The following TEKT1 variants were observed in gnomAD, a reference collection of about 807,000 sequenced individuals.
TEKT1 encodes tektin 1.
In TEKT1, 32 loss-of-function variants were observed where a neutral mutation model predicts 34.8. The ratio of observed to expected loss-of-function variants is 0.92; its 90% confidence interval spans 0.69 to 1.23. The LOEUF is 1.23. TEKT1 is among the 50% of genes most tolerant of loss of function. The pLI, the probability that TEKT1 is intolerant of heterozygous loss-of-function variation, is 0.00. For missense variants in TEKT1, 492 were observed against 518.5 expected, an observed-to-expected ratio of 0.95 and a Z score of 0.50; for synonymous variants, 207 against 199.8, an observed-to-expected ratio of 1.04 and a Z score of -0.30.
At chr17:6,801,193 G>A (rs1291026389) in intron 6 of TEKT1, among the ~76,000 whole-genome samples, 1 of 152,202 alleles carries the variant, frequency 6.6e-6, no homozygotes, top group East Asian at 1.9e-4. Context: ...CACAGGAGAT[G>A]CCCTCAGCAA....
intron 2 of TEKT1, among the ~76,000 whole-genome samples, chr17:6,822,848 C>A (rs1267661560): frequency 6.6e-6 from 1 of 152,200 alleles, no homozygotes; most frequent in Non-Finnish European, 1.5e-5. Flanking sequence ...TGCTAAAGTG[C>A]TACCTGGAAA....
chr17:6,819,347 C>G lies in TEKT1; in HGVS notation c.202G>C (p.Glu68Gln). The G allele has an allele frequency of 6.2e-7, 1 of 1,613,180 alleles. No homozygotes were observed. Among genetic ancestry groups the G allele is most frequent in the Non-Finnish European group, 8.5e-7 (1 of 1,179,570 alleles). Reference protein sequence around the residue: ...DVNKKLEQRLEEVQFWKKELD... With the variant: ...DVNKKLEQRLQEVQFWKKELD... ...TCCTTCTTCCAGAACTGGACTTCCT[C>G]GAGTCTCTGTTCTGAAGCACACGGG... is the stretch of plus-strand genomic sequence containing the variant. The change falls in exon 3 of 8, where the codon GAG (glutamate) becomes CAG (glutamine). Residue 68 changes from glutamate (E) to glutamine (Q), a missense_variant. Coordinates refer to ENST00000338694, the MANE Select transcript of TEKT1 (RefSeq NM_053285.2).
Position 6,819,318 on chromosome 17 carries a change from T to C in TEKT1, c.231A>G (p.Leu77=), listed in dbSNP as rs1977054798. ...LEEVQFWKKE[L]DDKLEQLVNV... ...TCACAAGCTGCTCAAGTTTGTCATC[T>C]AACTCCTTCTTCCAGAACTGGACTT... The change falls in exon 3 of 8, where the codon TTA becomes TTG. Residue 77 remains leucine (L), a synonymous_variant. Transcript: ENST00000338694. 1 of 1,613,970 alleles carries C rather than the reference T, an allele frequency of 6.2e-7. No individual in the cohort carries two copies. Among genetic ancestry groups the C allele is most frequent in the Admixed American group, 1.7e-5 (1 of 59,984 alleles).
chr17:6,801,871 C>T (rs1019708767), intron 6 of TEKT1, among the ~76,000 whole-genome samples: 45 of 152,202 alleles, frequency 3.0e-4, no homozygotes, highest in African/African-American at 9.1e-4. Flanking sequence ...TAAGGAACCT[C>T]GCATAGTCAT....
At position 6,830,255 on chromosome 17, in the gene TEKT1, C is replaced by T. The variant is rs1281459819; in HGVS notation, c.122G>A (p.Ser41Asn). 2 of 1,613,280 alleles carry T rather than the reference C, an allele frequency of 1.2e-6. No individual in the cohort carries two copies. Among genetic ancestry groups the T allele is most frequent in the Admixed American group, 1.7e-5 (1 of 59,694 alleles). ...RSRSERLVAE[S>N]QRLVDEIEKT... ...TTCAATTTCATCCACAAGCCTCTGG[C>T]TTTCTGCGACCAGGCGTTCTGATCG... Residue 41 changes from serine to asparagine, a missense_variant, in exon 2 of 8, where the codon AGC (serine) becomes AAC (asparagine). Transcript: ENST00000338694.
At chr17:6,827,110 T>G (rs1248064127) in intron 2 of TEKT1, among the ~76,000 whole-genome samples, 2 of 152,170 alleles carry the variant, frequency 1.3e-5, no homozygotes, top group Non-Finnish European at 2.9e-5. Flanking sequence ...GTATGTGGGT[T>G]TGTTTCTGGA....
rs779528048 is a variant in TEKT1 at position 6,815,285 on chromosome 17, G to A, written c.507C>T (p.Tyr169=). 3.1e-6 allele frequency: 5 copies of A among 1,614,220 alleles called. No homozygotes were observed. Among genetic ancestry groups the A allele is most frequent in the Non-Finnish European group, 3.4e-6 (4 of 1,180,042 alleles). Residue 169 remains tyrosine (Y), a synonymous_variant, in exon 5 of 8, where the codon TAC becomes TAT. Transcript: ENST00000338694. ...TGTCCTTCAAATCCTTCTCAAGATT[G>A]TACTTGGCAGAGCGGTTCATCCTGA... is the stretch of plus-strand genomic sequence containing the variant. ...EQIRMNRSAK[Y]NLEKDLKDKF... is the part of the protein sequence containing the mutation.
At chr17:6,801,913 A>G (rs1444680032) in intron 6 of TEKT1, among the ~76,000 whole-genome samples, 2 of 152,184 alleles carry the variant, frequency 1.3e-5, no homozygotes, top group Admixed American at 1.3e-4. Flanking sequence ...GTATGTGGCC[A>G]GTCTTGCTTC....
At chr17:6,821,726 A>C (rs962431834) in intron 2 of TEKT1, among the ~76,000 whole-genome samples, 7 of 152,218 alleles carry the variant, frequency 4.6e-5, no homozygotes, top group Non-Finnish European at 7.3e-5. Context: ...GGTTTCGATC[A>C]AAATGTTGAC....
Position 6,812,821 on chromosome 17 carries a change from G to A in TEKT1, c.852+10C>T. 1 of 1,611,676 alleles carries A rather than the reference G, an allele frequency of 6.2e-7. No individual in the cohort carries two copies. Among genetic ancestry groups the A allele is most frequent in the Non-Finnish European group, 8.5e-7 (1 of 1,178,910 alleles). On this transcript the variant is annotated intron_variant, in intron 6 of 7. Coordinates refer to ENST00000338694, the MANE Select transcript of TEKT1 (RefSeq NM_053285.2). ...CTGCTCTTCTTCCATGCTCCCTCAA[G>A]GGACCTCACCTTGGCCAGATGATCA...
In TEKT1 at chr17:6,800,848, G is replaced by A. The variant is rs779030865; in HGVS notation, c.948C>T (p.Arg316=). 2 of 1,614,034 alleles carry A rather than the reference G, an allele frequency of 1.2e-6. No homozygotes were observed. The highest frequency in any genetic ancestry group is 1.3e-5 in the African/African-American group (1 of 74,910). The part of the protein sequence containing the change: ...QEGPAKVAHT[R]LETRTHRPNV... ...TCGGCCGGTGTGTCCTGGTCTCCAAGCGCGTATGAGCCACCTTGGCTGGCC... is the reference window on the plus strand; with the variant it reads ...TCGGCCGGTGTGTCCTGGTCTCCAAACGCGTATGAGCCACCTTGGCTGGCC... The change falls in exon 7 of 8, where the codon CGC becomes CGT. Residue 316 remains arginine (R), a synonymous_variant. Coordinates refer to ENST00000338694, the MANE Select transcript of TEKT1 (RefSeq NM_053285.2).
intron 6 of TEKT1, among the ~76,000 whole-genome samples, chr17:6,812,172 G>C (rs1468018304): frequency 1.3e-5 from 2 of 152,100 alleles, no homozygotes; most frequent in African/African-American, 4.8e-5. Flanking sequence ...GCCTTGTGAA[G>C]AAGGTGCTGG....
rs369061658 is a variant in TEKT1 at position 6,808,544 on chromosome 17, A to G, written c.852+4287T>C. ...TCAGTTGGAAACGCAGAAATCACCC[A>G]TCTTCTGCGTCGCTCACGCTGGGAG... On this transcript the variant is annotated intron_variant, in intron 6 of 7. Coordinates refer to ENST00000338694, the MANE Select transcript of TEKT1 (RefSeq NM_053285.2). 3.9e-5 allele frequency among the ~76,000 whole-genome samples: 6 copies of G among 152,160 alleles called. No homozygotes were observed. In the East Asian group the frequency reaches 7.8e-4, roughly 20 times the overall value.
At chr17:6,823,428 G>T (rs946825997) in intron 2 of TEKT1, among the ~76,000 whole-genome samples, 1 of 152,050 alleles carries the variant, frequency 6.6e-6, no homozygotes, top group Admixed American at 6.5e-5. Flanking sequence ...CTAACTCTCT[G>T]TGTGTGTGTA....
At position 6,819,248 on chromosome 17, in the gene TEKT1, C is replaced by T. The variant is rs1452787899; in HGVS notation, c.301G>A (p.Ala101Thr). The T allele has an allele frequency of 6.2e-7, 1 of 1,614,098 alleles. No homozygotes were observed. The highest frequency in any genetic ancestry group is 1.7e-5 in the Admixed American group (1 of 60,012). The change falls in exon 3 of 8, where the codon GCC becomes ACC. Residue 101 changes from alanine (A) to threonine (T), a missense_variant. Ala to Thr is a moderately conservative substitution (Grantham distance 58, BLOSUM62 0). Transcript: ENST00000338694. ...AAGGGCTCTTTCAAGGTCTCCAGGG[C>T]TTTTTCCAATCTGATCTTATATATG... ...LLIYKIRLEK[A>T]LETLKEPLHI...
At chr17:6,824,286 A>G (rs1263844971) in intron 2 of TEKT1, among the ~76,000 whole-genome samples, 2 of 118,502 alleles carry the variant, frequency 1.7e-5, no homozygotes, top group African/African-American at 7.0e-5. Flanking sequence ...GGCTCCCCTT[A>G]CCCATCTTTA....
chr17:6,801,319 C>T, intron 6 of TEKT1, among the ~76,000 whole-genome samples: 1 of 152,190 alleles, frequency 6.6e-6, no homozygotes, highest in Non-Finnish European at 1.5e-5. Context: ...TCCTATCCTG[C>T]TAGCACCAGC....
At chr17:6,808,632 C>T (rs1350823852) in intron 6 of TEKT1, among the ~76,000 whole-genome samples, 2 of 152,092 alleles carry the variant, frequency 1.3e-5, no homozygotes, top group African/African-American at 4.8e-5. Context: ...ATTATCTTAA[C>T]AAATAAGACC....
At position 6,815,890 on chromosome 17, in the gene TEKT1, G is replaced by A; in HGVS notation, c.429C>T (p.Ile143=). 6.2e-7 allele frequency: 1 copy of A among 1,614,186 alleles called. No homozygotes were observed. The highest frequency in any genetic ancestry group is 8.5e-7 in the Non-Finnish European group (1 of 1,180,036). ...GGGTCAGCAGAGCCATAATGCCCTG[G>A]ATGATCTCAGCCTCCTTTATCAGCT... The part of the protein sequence containing the change: ...EHELIKEAEI[I]QGIMALLTRT... Residue 143 remains isoleucine, a synonymous_variant, in exon 4 of 8, where the codon ATC becomes ATT. Coordinates refer to ENST00000338694, the MANE Select transcript of TEKT1 (RefSeq NM_053285.2).
Sources: gnomAD v4.1 joint callset for allele counts (sites outside exome capture counted in the v4.1 genomes callset) on GRCh38, gnomAD v4.1.1 for gene constraint, MANE v1.5 for transcripts, NCBI Gene and HGNC (gene_info 2026-07-23, HGNC 2026-07-21) for gene names.